CSMD3: variants seen among roughly 807,000 people sequenced by gnomAD.
CSMD3 encodes CUB and sushi domain-containing protein 3.
In CSMD3, 177 loss-of-function variants were observed where a neutral mutation model predicts 435.2. The observed-to-expected ratio is 0.41, with a 90% CI of 0.36 to 0.46. CSMD3 has a LOEUF of 0.46. Ranked by LOEUF, CSMD3 falls within the 20% of genes least tolerant of loss-of-function variation. CSMD3 has a pLI of 0.34. For synonymous variants in CSMD3, 1,656 were observed against 1,520.5 expected (o/e 1.09, Z -2.07); for missense variants, 4,265 against 4,504.6 (o/e 0.95, Z 1.52).
chr8:112,858,094 C>A (rs1281877597), intron 11 of CSMD3, among the ~76,000 whole-genome samples: 1 of 151,574 alleles, frequency 6.6e-6, no homozygotes, highest in Non-Finnish European at 1.5e-5. Flanking sequence ...GAGTTTTAAA[C>A]CAACTCTGCT....
rs187631237 is a variant in CSMD3, at chr8:113,142,792, T to C, written c.709+30930A>G. The stretch of plus-strand genomic sequence containing the variant: ...AAGAAAGGGTACATGCTTGAGGTGA[T>C]GGCTACCTCAGTTACCCTGATGTGA... On this transcript the variant is annotated intron_variant, in intron 4 of 70. Transcript: ENST00000297405. Among the ~76,000 whole-genome samples the C allele has an allele frequency of 4.0e-5, 6 of 150,862 alleles. No homozygotes were observed. The East Asian group carries it at 1.2e-3, about 29-fold the overall frequency.
chr8:112,851,873 GAA>G (rs1296046698), intron 11 of CSMD3, among the ~76,000 whole-genome samples: 5 of 152,074 alleles, frequency 3.3e-5, no homozygotes, highest in Non-Finnish European at 7.4e-5. Context: ...CCAGTAGAAA[GAA>G]AGTCTCAGAG....
intron 1 of CSMD3, among the ~76,000 whole-genome samples, chr8:113,354,985 G>A (rs904313013): frequency 1.3e-4 from 20 of 152,180 alleles, no homozygotes; most frequent in African/African-American, 4.8e-4. Flanking sequence ...CAAATTTCAA[G>A]TATCTTGTCA....
chr8:113,186,253 CCTCCTCCCTG>C (rs1410012994), intron 3 of CSMD3, among the ~76,000 whole-genome samples: 1 of 151,906 alleles, frequency 6.6e-6, no homozygotes, highest in Admixed American at 6.6e-5. Context: ...TTTCTATTGC[CCTCCTCCCTG>C]ACCATATGGC....
intron 57 of CSMD3, 103 bp from the exon 58 acceptor site, chr8:112,287,349 G>T: frequency 1.0e-6 from 1 of 994,118 alleles, no homozygotes; most frequent in Non-Finnish European, 1.6e-6. Flanking sequence ...TGCATGCGGT[G>T]TTTTAGCACA....
intron 12 of CSMD3, among the ~76,000 whole-genome samples, chr8:112,825,931 A>T (rs533794297): frequency 7.0e-6 from 1 of 142,786 alleles, no homozygotes; most frequent in African/African-American, 2.6e-5. Context: ...CAGAACTATC[A>T]GGAGGAAAAA....
intron 23 of CSMD3, among the ~76,000 whole-genome samples, chr8:112,581,735 G>C (rs1830350317): frequency 1.3e-5 from 2 of 152,018 alleles, no homozygotes; most frequent in Non-Finnish European, 2.9e-5. Context: ...TTCTATTGGA[G>C]AAGACAAAAA....
chr8:113,275,075 AC>A (rs1175224731), intron 3 of CSMD3, among the ~76,000 whole-genome samples: 2 of 152,104 alleles, frequency 1.3e-5, no homozygotes, highest in East Asian at 3.8e-4. Context: ...TCTTTTAATC[AC>A]CATCATGATA....
chr8:112,437,043 C>T (rs906046964), intron 32 of CSMD3, among the ~76,000 whole-genome samples: 1 of 151,932 alleles, frequency 6.6e-6, no homozygotes, highest in African/African-American at 2.4e-5. Context: ...CAGCTAGAGA[C>T]TGATTAAGTT....
chr8:112,952,544 T>A (rs1446632254), intron 8 of CSMD3, among the ~76,000 whole-genome samples: 1 of 151,592 alleles, frequency 6.6e-6, no homozygotes, highest in African/African-American at 2.4e-5. Flanking sequence ...ACAATATAAC[T>A]CTACTGCAAA....
chr8:112,537,885 A>T (rs1826284444), intron 27 of CSMD3, among the ~76,000 whole-genome samples: 1 of 152,080 alleles, frequency 6.6e-6, no homozygotes, highest in Admixed American at 6.6e-5. Context: ...CTATGAGGCC[A>T]ATTTACTCTG....
chr8:112,612,323 G>A (rs891621105), intron 22 of CSMD3, among the ~76,000 whole-genome samples: 2 of 152,088 alleles, frequency 1.3e-5, no homozygotes, highest in Admixed American at 6.6e-5. Context: ...CCTTTCATTG[G>A]TCTTCACCAC....
At chr8:112,543,128 C>T (rs1826837249) in intron 27 of CSMD3, among the ~76,000 whole-genome samples, 1 of 152,020 alleles carries the variant, frequency 6.6e-6, no homozygotes, top group Admixed American at 6.6e-5. Context: ...AAACGCCAGA[C>T]CTGAAACTGT....
At chr8:112,366,561 C>A (rs905103855) in intron 38 of CSMD3, among the ~76,000 whole-genome samples, 1 of 152,022 alleles carries the variant, frequency 6.6e-6, no homozygotes, top group Non-Finnish European at 1.5e-5. Context: ...GTATGCCTGG[C>A]TAATTTTTGT....
chr8:112,342,751 A>G (rs1052907290), intron 41 of CSMD3, among the ~76,000 whole-genome samples: 1 of 151,926 alleles, frequency 6.6e-6, no homozygotes, highest in Non-Finnish European at 1.5e-5. Context: ...CCCTTGGACA[A>G]ATAAGCTTTG....
At chr8:113,392,279 C>G (rs2094464214) in intron 1 of CSMD3, among the ~76,000 whole-genome samples, 1 of 151,990 alleles carries the variant, frequency 6.6e-6, no homozygotes, top group Non-Finnish European at 1.5e-5. Context: ...ATAAAGTGTG[C>G]TGATGCATTT....
intron 18 of CSMD3, among the ~76,000 whole-genome samples, chr8:112,654,391 T>C (rs368773748): frequency 9.2e-5 from 14 of 152,288 alleles, no homozygotes; most frequent in African/African-American, 2.2e-4. Context: ...TAGAATAAAA[T>C]GAGAGAAGGT....
chr8:112,943,738 G>C (rs2083521173), intron 9 of CSMD3, among the ~76,000 whole-genome samples: 1 of 151,408 alleles, frequency 6.6e-6, no homozygotes, highest in Admixed American at 6.6e-5. Context: ...TACATACAAA[G>C]TTCTTTTTCC....
intron 35 of CSMD3, among the ~76,000 whole-genome samples, chr8:112,401,969 G>A (rs1015193655): frequency 1.3e-5 from 2 of 152,134 alleles, no homozygotes; most frequent in South Asian, 4.1e-4. Flanking sequence ...GATCAGTACT[G>A]CATATTAAGT....
Sources: gnomAD v4.1 joint callset for allele counts (sites outside exome capture counted in the v4.1 genomes callset) on GRCh38, gnomAD v4.1.1 for gene constraint, MANE v1.5 for transcripts, NCBI Gene and HGNC (gene_info 2026-07-23, HGNC 2026-07-21) for gene names.